Variants in PCDHA1 observed in about 807,000 individuals in gnomAD.
PCDHA1 encodes protocadherin alpha 1.
In PCDHA1, 42 loss-of-function variants were observed where a neutral mutation model predicts 61.3. That is an observed-to-expected ratio of 0.69 (90% CI 0.54 to 0.89). The LOEUF (loss-of-function observed/expected upper bound fraction) is 0.89. Among genes scored for constraint, PCDHA1 ranks in the 40% least tolerant of loss-of-function variants. The pLI is 0.00. For missense variants in PCDHA1, 1,256 were observed against 1,235.3 expected, an observed-to-expected ratio of 1.02 and a Z score of -0.25; for synonymous variants, 610 against 553.8, an observed-to-expected ratio of 1.10 and a Z score of -1.43.
At chr5:140,965,436 G>A (rs1389592396) in intron 1 of PCDHA1, among the ~76,000 whole-genome samples, 1 of 152,038 alleles carries the variant, frequency 6.6e-6, no homozygotes, top group Non-Finnish European at 1.5e-5. Flanking sequence ...TGCAGTCATT[G>A]AAATTGCTGG....
chr5:140,803,034 C>A, intron 1 of PCDHA1: 1 of 1,614,030 alleles, frequency 6.2e-7, no homozygotes, highest in Non-Finnish European at 8.5e-7. Flanking sequence ...TGAGCTGCAG[C>A]CTGGGACCGG....
intron 1 of PCDHA1, among the ~76,000 whole-genome samples, chr5:140,895,392 C>T (rs983338513): frequency 6.6e-5 from 10 of 152,148 alleles, no homozygotes; most frequent in African/African-American, 2.4e-4. Context: ...CAATTCTCAA[C>T]ACCATCAAAA....
rs975637071 is a variant in PCDHA1 at position 141,011,970 on chromosome 5, C to A, written c.*2033C>A. On this transcript the variant is annotated 3_prime_UTR_variant, in exon 4 of 4. Transcript: ENST00000504120. ...AGCATTAAATTTAAAAAAAAACTGTCTTGTCTACTTTTAGCTTCATTCTCC... is the reference window on the plus strand; with the variant it reads ...AGCATTAAATTTAAAAAAAAACTGTATTGTCTACTTTTAGCTTCATTCTCC... 6.5e-6 allele frequency: 1 copy of A among 153,576 alleles called. No individual in the cohort carries two copies. The highest frequency in any genetic ancestry group is 6.6e-5 in the Admixed American group (1 of 15,252). The allele number at this position is 153,576 out of a possible 1,614,324, so 9.5% of individuals were successfully genotyped here. A position where few individuals can be genotyped will look rare whatever the true frequency, so the allele number is the denominator to read the frequency against.
rs1414932633 is a variant in PCDHA1, at chr5:140,809,074, C to A, written c.2394+20390C>A. Reference sequence around the variant, plus strand: ...CGTTCCGCGTGGGGCTGTACACTGGCGAGATCAGCACAACGCGTGCCCTGG... The same window carrying A: ...CGTTCCGCGTGGGGCTGTACACTGGAGAGATCAGCACAACGCGTGCCCTGG... On this transcript the variant is annotated intron_variant, in intron 1 of 3. Transcript: ENST00000504120. 9 of 1,613,792 alleles carry A rather than the reference C, an allele frequency of 5.6e-6. No homozygotes were observed. The African/African-American group carries it at 1.2e-4, about 22-fold the overall frequency.
chr5:140,875,246 C>A (rs2055373842), intron 1 of PCDHA1: 3 of 955,372 alleles, frequency 3.1e-6, no homozygotes, highest in Non-Finnish European at 4.4e-6. Flanking sequence ...CTTACATAAT[C>A]AGTCACATGA....
At chr5:140,884,410 G>A (rs1562804321) in intron 1 of PCDHA1, 1 of 1,614,004 alleles carries the variant, frequency 6.2e-7, no homozygotes, top group Non-Finnish European at 8.5e-7. Context: ...TGGTGCTCAC[G>A]TTGCTGCTGT....
intron 1 of PCDHA1, among the ~76,000 whole-genome samples, chr5:140,896,328 A>G (rs1157543991): frequency 6.6e-6 from 1 of 152,138 alleles, no homozygotes; most frequent in Non-Finnish European, 1.5e-5. Flanking sequence ...CACAGTGGCT[A>G]AACTAATTTA....
intron 1 of PCDHA1, chr5:140,875,600 C>T: frequency 6.2e-7 from 1 of 1,613,884 alleles, no homozygotes; most frequent in Non-Finnish European, 8.5e-7. Context: ...AAACACGGCA[C>T]CTTCGTGGGC....
At chr5:140,821,085 T>C (rs1342209208) in intron 1 of PCDHA1, among the ~76,000 whole-genome samples, 3 of 151,810 alleles carry the variant, frequency 2.0e-5, no homozygotes, top group African/African-American at 7.3e-5. Flanking sequence ...TTTTTGAAAA[T>C]AACATCAACA....
intron 1 of PCDHA1, chr5:140,930,569 A>G (rs1448447791): frequency 6.6e-6 from 1 of 152,542 alleles, no homozygotes; most frequent in Non-Finnish European, 1.5e-5. Flanking sequence ...AAGCAATTCT[A>G]CGGTATTACT....
chr5:140,927,478 C>T (rs959432734), intron 1 of PCDHA1: 12 of 1,613,944 alleles, frequency 7.4e-6, no homozygotes, highest in African/African-American at 1.3e-5. Flanking sequence ...TCGCGAACAG[C>T]GCGCCACCCA....
chr5:140,794,972 C>A (rs1554119211), intron 1 of PCDHA1: 1 of 1,608,314 alleles, frequency 6.2e-7, no homozygotes, highest in Non-Finnish European at 8.5e-7. Context: ...GTAATGGCGT[C>A]TTCTATCAGA....
chr5:140,900,187 T>C (rs529700623), intron 1 of PCDHA1, among the ~76,000 whole-genome samples: 1 of 152,346 alleles, frequency 6.6e-6, no homozygotes, highest in Non-Finnish European at 1.5e-5. Context: ...ATGTCACTTA[T>C]AATGACATCC....
chr5:140,954,184 T>C (rs2094994216), intron 1 of PCDHA1, among the ~76,000 whole-genome samples: 1 of 152,236 alleles, frequency 6.6e-6, no homozygotes, highest in Non-Finnish European at 1.5e-5. Flanking sequence ...CAGTCTATCA[T>C]TGATGGGCAT....
At chr5:140,929,821 C>G (rs2086398950) in intron 1 of PCDHA1, 1 of 157,208 alleles carries the variant, frequency 6.4e-6, no homozygotes, top group Non-Finnish European at 1.4e-5. Context: ...AGAAAGGGAA[C>G]ATAAGAGAAC....
chr5:140,847,677 T>A (rs1554141874), intron 1 of PCDHA1: 1 of 149,738 alleles, frequency 6.7e-6, no homozygotes, highest in African/African-American at 2.4e-5. Flanking sequence ...TTGGAAAGAA[T>A]CAAAACAACA....
chr5:140,787,440 C>T lies in PCDHA1; in HGVS notation c.1150C>T (p.Gln384Ter), dbSNP rs201577447. The T allele has an allele frequency of 6.2e-7, 1 of 1,614,232 alleles. No homozygotes were observed. Among genetic ancestry groups the T allele is most frequent in the African/African-American group, 1.3e-5 (1 of 75,072 alleles). Residue 384 changes from glutamine (Q) to a stop codon, truncating the protein, a stop_gained, in exon 1 of 4, where the codon CAG becomes TAG. Transcript: ENST00000504120. LOFTEE classifies it high-confidence loss of function. ...TGACCGTGACTCAGGTGCCAACGGG[C>T]AGGTGACTTGCTCCTTAATGCCCCA... ...VSDRDSGANG[Q>*]VTCSLMPHVP... is the part of the protein sequence containing the mutation.
chr5:140,857,296 G>A, intron 1 of PCDHA1: 1 of 1,598,680 alleles, frequency 6.3e-7, no homozygotes, highest in Non-Finnish European at 8.6e-7. Flanking sequence ...ACCGCGAGAG[G>A]GTGTCGGCCT....
intron 1 of PCDHA1, chr5:140,878,055 C>T: frequency 2.2e-6 from 1 of 449,762 alleles, no homozygotes; most frequent in Non-Finnish European, 3.6e-6. Context: ...GAGCACCACA[C>T]TTAATATTTT....
Sources: allele counts gnomAD v4.1 joint callset (sites outside exome capture counted in the v4.1 genomes callset), GRCh38; gene constraint gnomAD v4.1.1; transcripts MANE v1.5; gene names NCBI Gene and HGNC (gene_info 2026-07-23, HGNC 2026-07-21).